The following ERN1 variants were observed in gnomAD, a reference collection of about 807,000 sequenced individuals.
ERN1 encodes the protein endoplasmic reticulum to nucleus signaling 1.
ERN1 carries 39 observed loss-of-function variants against 113.1 expected under a neutral mutation model. The ratio of observed to expected loss-of-function variants is 0.34; its 90% CI spans 0.27 to 0.45. The LOEUF (loss-of-function observed/expected upper bound fraction) is 0.45, where lower values mean the gene tolerates loss of function less well. Among genes scored for constraint, ERN1 ranks in the 20% least tolerant of loss-of-function variants. The probability of loss-of-function intolerance (pLI) is 1.00; values close to 1 mark genes in which losing one functional copy is unlikely to be tolerated. For synonymous variants in ERN1, 507 were observed against 515.9 expected (o/e 0.98, Z 0.23); for missense variants, 976 against 1,274.8 (o/e 0.77, Z 3.57).
intron 3 of ERN1, 125 bp from the exon 4 acceptor site, chr17:64,079,859 G>A (rs1913713785): frequency 1.4e-6 from 1 of 691,618 alleles, no homozygotes; most frequent in Non-Finnish European, 2.6e-6. Flanking sequence ...AGGTGTATAA[G>A]TGAGTATATA....
intron 1 of ERN1, among the ~76,000 whole-genome samples, chr17:64,116,675 A>AC (rs1914812797): frequency 6.6e-6 from 1 of 152,056 alleles, no homozygotes; most frequent in African/African-American, 2.4e-5. Context: ...ACACACACAC[A>AC]AACACACCCA....
intron 1 of ERN1, among the ~76,000 whole-genome samples, chr17:64,099,662 A>T (rs1361282833): frequency 6.6e-6 from 1 of 152,066 alleles, no homozygotes; most frequent in Non-Finnish European, 1.5e-5. Context: ...TGGGAGCCTG[A>T]TCCCAGAAGG....
Position 64,055,912 on chromosome 17 carries a change from ACTGCTGGTGCTGGAG to A in ERN1, c.1420_1434del (p.Leu474_Gln478del). 2 of 1,549,436 alleles carry A rather than the reference ACTGCTGGTGCTGGAG, an allele frequency of 1.3e-6. No individual in the cohort carries two copies. Among genetic ancestry groups the A allele is most frequent in the Non-Finnish European group, 1.7e-6 (2 of 1,146,152 alleles). On this transcript the variant is annotated inframe_deletion, in exon 13 of 22. Coordinates refer to ENST00000433197, the MANE Select transcript of ERN1 (RefSeq NM_001433.5). Reference sequence around the variant, plus strand: ...TGGATCTTCTCCAGTTCCTTCTGGAACTGCTGGTGCTGGAGCTGCTGCTGCTGATGCATGCTCTGG... The same window carrying A: ...TGGATCTTCTCCAGTTCCTTCTGGAACTGCTGCTGCTGATGCATGCTCTGG...
At position 64,074,903 on chromosome 17, in the gene ERN1, T is replaced by C. The variant is rs78858245; in HGVS notation, c.355+272A>G. 5.8e-3 allele frequency among the ~76,000 whole-genome samples: 877 copies of C among 152,356 alleles called. 8 individuals carry two copies. Among genetic ancestry groups the C allele is most frequent in the African/African-American group, 0.019 (795 of 41,582 alleles). ...TTTCATCCATTTGCCACTGGGTATG[T>C]TGCAATCTTGGAATCTCAGGACTAA... On this transcript the variant is annotated intron_variant, in intron 5 of 21. Transcript: ENST00000433197.
chr17:64,114,102 G>A (rs1567886150), intron 1 of ERN1, among the ~76,000 whole-genome samples: 1 of 149,840 alleles, frequency 6.7e-6, no homozygotes, highest in South Asian at 2.1e-4. Flanking sequence ...TTTGCAAGGA[G>A]TGTTGAGTCA....
At position 64,052,909 on chromosome 17, in the gene ERN1, C is replaced by T. The variant is rs764757712; in HGVS notation, c.2124G>A (p.Met708Ile). 3.1e-6 allele frequency: 5 copies of T among 1,613,896 alleles called. No homozygotes were observed. Among genetic ancestry groups the T allele is most frequent in the African/African-American group, 1.3e-5 (1 of 75,040 alleles). ...TCTTGCAGAGGCCAAAGTCGGAGAT[C>T]ATGGCCTTGATCTTGCCGTGTGCAT... ...MPNAHGKIKA[M>I]ISDFGLCKKL... Residue 708 changes from methionine to isoleucine, a missense_variant, in exon 17 of 22, where the codon ATG becomes ATA. Met to Ile is a conservative substitution (Grantham distance 10, BLOSUM62 1). Transcript: ENST00000433197.
At position 64,130,079 on chromosome 17, in the gene ERN1, C is replaced by A; in HGVS notation, c.-50G>T. On this transcript the variant is annotated 5_prime_UTR_variant, in exon 1 of 22. Coordinates refer to ENST00000433197, the MANE Select transcript of ERN1 (RefSeq NM_001433.5). The surrounding 1 kb of genome is among the most constrained non-coding windows in gnomAD (Gnocchi z 4.0). The stretch of plus-strand genomic sequence containing the variant: ...GGGGCGGTACGGACAGAGGACGGGG[C>A]GGGGGCGCCGCGACGACAGCGAGGC... The A allele has an allele frequency of 7.5e-7, 1 of 1,327,304 alleles. No individual in the cohort carries two copies. The highest frequency in any genetic ancestry group is 9.6e-7 in the Non-Finnish European group (1 of 1,041,298). 82.2% of individuals were successfully genotyped at this position (1,327,304 alleles called of 1,614,324 possible).
intron 2 of ERN1, among the ~76,000 whole-genome samples, chr17:64,081,365 C>G (rs562763202): frequency 2.0e-5 from 3 of 152,128 alleles, no homozygotes; most frequent in Non-Finnish European, 4.4e-5. Flanking sequence ...TTTATAAAAT[C>G]TAATTTAAAG....
At chr17:64,053,962 C>T (rs564203254) in intron 15 of ERN1, 78 of 307,550 alleles carry the variant, frequency 2.5e-4, no homozygotes, top group African/African-American at 1.2e-3. Context: ...TTTAATTTGA[C>T]GGGGTCTCAC....
chr17:64,053,181 A>G (rs1912742330), intron 16 of ERN1, 91 bp downstream of exon 16: 2 of 1,122,664 alleles, frequency 1.8e-6, no homozygotes. Flanking sequence ...CTTGAACAGA[A>G]GCAAGGCCCA....
At chr17:64,098,468 A>G (rs1434627806) in intron 1 of ERN1, 4 of 716,636 alleles carry the variant, frequency 5.6e-6, no homozygotes, top group African/African-American at 1.7e-5. Flanking sequence ...ATGACCTAAC[A>G]TTACAAGGAC....
At chr17:64,058,221 AAT>A (rs774136308) in intron 11 of ERN1, among the ~76,000 whole-genome samples, 4 of 152,210 alleles carry the variant, frequency 2.6e-5, no homozygotes, top group Admixed American at 6.5e-5. Flanking sequence ...ATTATTCAAA[AAT>A]AGTTTTTGGA....
At chr17:64,048,016 C>CT in intron 18 of ERN1, 31 bp from the exon 19 acceptor site, 1 of 1,591,836 alleles carries the variant, frequency 6.3e-7, no homozygotes, top group South Asian at 1.1e-5. Context: ...CAACTCATGA[C>CT]TACCAGTCCA....
intron 2 of ERN1, 146 bp from the exon 3 acceptor site, chr17:64,080,954 A>G: frequency 2.9e-6 from 2 of 687,612 alleles, no homozygotes; most frequent in South Asian, 1.8e-5. Flanking sequence ...TGAAGGTTAT[A>G]TGCATTTTTG....
chr17:64,129,618 T>G, intron 1 of ERN1: 5 of 366,362 alleles, frequency 1.4e-5, no homozygotes, highest in Non-Finnish European at 9.7e-6. Context: ...GTCCCGCAGG[T>G]GGGCGGCCTC....
intron 1 of ERN1, among the ~76,000 whole-genome samples, chr17:64,102,117 TA>T (rs1047566337): frequency 3.3e-5 from 5 of 150,676 alleles, no homozygotes; most frequent in Non-Finnish European, 5.9e-5. Context: ...CCGTCTGTAC[TA>T]AAAAAAAATA....
At chr17:64,108,758 A>C (rs1301739266) in intron 1 of ERN1, among the ~76,000 whole-genome samples, 1 of 152,218 alleles carries the variant, frequency 6.6e-6, no homozygotes, top group Non-Finnish European at 1.5e-5. Context: ...TTGTATGTGC[A>C]CCATTGGCCT....
rs1285897206 is a variant in ERN1 at position 64,042,952 on chromosome 17, A to T, written c.*1036T>A. ...AAAATATAGTTATTAAAATTTGCCA[A>T]GAAAAACAAAAAAGCTGGCCCATGA... On this transcript the variant is annotated 3_prime_UTR_variant, in exon 22 of 22. Transcript: ENST00000433197. 6.6e-6 allele frequency: 1 copy of T among 152,304 alleles called. No individual in the cohort carries two copies. Among genetic ancestry groups the T allele is most frequent in the Admixed American group, 6.5e-5 (1 of 15,290 alleles). The allele number at this position is 152,304 out of a possible 1,614,324, so 9.4% of individuals were successfully genotyped here. A position where few individuals can be genotyped will look rare whatever the true frequency, so the allele number is the denominator to read the frequency against.
chr17:64,057,377 A>G (rs1417222481), intron 12 of ERN1, among the ~76,000 whole-genome samples: 2 of 69,346 alleles, frequency 2.9e-5, no homozygotes, highest in African/African-American at 9.3e-5. Context: ...TTTTTTTGAG[A>G]TGGAGTCTTG....
Sources: allele counts gnomAD v4.1 joint callset (sites outside exome capture counted in the v4.1 genomes callset), GRCh38; gene constraint gnomAD v4.1.1; non-coding constraint Gnocchi (gnomAD v3.1); transcripts MANE v1.5; gene names NCBI Gene and HGNC (gene_info 2026-07-23, HGNC 2026-07-21).